Variants in PTPRJ observed in about 807,000 individuals in gnomAD.
PTPRJ encodes receptor-type tyrosine-protein phosphatase eta.
A neutral mutation model predicts 141.3 loss-of-function variants in PTPRJ; 129 were observed. That is an observed-to-expected ratio of 0.91 (90% CI 0.79 to 1.06). The LOEUF (loss-of-function observed/expected upper bound fraction) is 1.06. Ranked by LOEUF, PTPRJ falls within the 50% of genes least tolerant of loss-of-function variation. The pLI, the probability that PTPRJ is intolerant of heterozygous loss-of-function variation, is 0.00. For missense variants in PTPRJ, 1,601 were observed against 1,679.7 expected, an observed-to-expected ratio of 0.95 and a Z score of 0.82; for synonymous variants, 610 against 640.5, an observed-to-expected ratio of 0.95 and a Z score of 0.72.
chr11:48,071,353 T>C (rs1855244195), intron 1 of PTPRJ, among the ~76,000 whole-genome samples: 1 of 151,934 alleles, frequency 6.6e-6, no homozygotes, highest in South Asian at 2.1e-4. Context: ...GTCTCACTCT[T>C]CTGCCCAGGC....
At chr11:48,005,530 T>C (rs1331619347) in intron 1 of PTPRJ, among the ~76,000 whole-genome samples, 1 of 152,264 alleles carries the variant, frequency 6.6e-6, no homozygotes. Flanking sequence ...ATCACTGCTT[T>C]GTTCTTTTTT....
At chr11:48,012,504 G>A (rs1854827588) in intron 1 of PTPRJ, among the ~76,000 whole-genome samples, 1 of 152,146 alleles carries the variant, frequency 6.6e-6, no homozygotes, top group African/African-American at 2.4e-5. Context: ...ATCTAGTCGG[G>A]GAGGAGAGGG....
Position 48,121,097 on chromosome 11 carries a change from C to T in PTPRJ, c.447C>T (p.Tyr149=), listed in dbSNP as rs1430322394. 2 of 1,613,652 alleles carry T rather than the reference C, an allele frequency of 1.2e-6. No homozygotes were observed. Among genetic ancestry groups the T allele is most frequent in the Middle Eastern group, 1.6e-4 (1 of 6,062 alleles). ...WKSNDTAASE[Y]KYVVKHKMEN... Reference sequence around the variant, plus strand: ...GTAATGACACAGCTGCTTCTGAGTACAAGTATGTAGTAAAGCATAAGATGG... The same window carrying T: ...GTAATGACACAGCTGCTTCTGAGTATAAGTATGTAGTAAAGCATAAGATGG... Residue 149 remains tyrosine, a synonymous_variant, in exon 4 of 25, where the codon TAC becomes TAT. Transcript: ENST00000418331.
At chr11:48,022,925 T>A (rs984424234) in intron 1 of PTPRJ, among the ~76,000 whole-genome samples, 2 of 152,002 alleles carry the variant, frequency 1.3e-5, no homozygotes, top group Non-Finnish European at 2.9e-5. Context: ...GGGATAGGCC[T>A]GGTGGGGCCT....
At chr11:48,030,782 G>C (rs74236456) in intron 1 of PTPRJ, among the ~76,000 whole-genome samples, 24,672 of 151,890 alleles carry the variant, frequency 0.16, 2,199 homozygotes, top group African/African-American at 0.23. Flanking sequence ...TAAAGAGGAG[G>C]CCTTTCCTGC....
chr11:48,016,495 G>A lies in PTPRJ; in HGVS notation c.96+35487G>A, dbSNP rs149856901. Among the ~76,000 whole-genome samples, 54 of 152,342 alleles carry A rather than the reference G, an allele frequency of 3.5e-4. 1 individual carries two copies. The East Asian group carries it at 9.6e-3, about 27-fold the overall frequency. On this transcript the variant is annotated intron_variant, in intron 1 of 24. Coordinates refer to ENST00000418331, the MANE Select transcript of PTPRJ (RefSeq NM_002843.4). Reference sequence around the variant, plus strand: ...CCAATGTGAACCCACGGTACCTTCTGCGGGAGAAAAGGTGGCATGGGAAGC... The same window carrying A: ...CCAATGTGAACCCACGGTACCTTCTACGGGAGAAAAGGTGGCATGGGAAGC...
At chr11:48,128,116 T>C in intron 7 of PTPRJ, 73 bp downstream of exon 7, 3 of 1,516,298 alleles carry the variant, frequency 2.0e-6, no homozygotes, top group Non-Finnish European at 2.7e-6. Context: ...ACAGGATGCA[T>C]GATGTAGTAA....
rs367695265 is a variant in PTPRJ, at chr11:48,158,901, G to A, written c.3439-1029G>A. ...TGAGAGGTTGAGGCTGCAGTGAGCC[G>A]TGATCGTGCCATTGTACCCCAGCTT... On this transcript the variant is annotated intron_variant, in intron 21 of 24. Coordinates refer to ENST00000418331, the MANE Select transcript of PTPRJ (RefSeq NM_002843.4). The surrounding 1 kb of genome is among the most constrained non-coding windows in gnomAD (Gnocchi z 4.4). Among the ~76,000 whole-genome samples the A allele has an allele frequency of 6.6e-6, 1 of 152,138 alleles. No homozygotes were observed. The highest frequency in any genetic ancestry group is 2.1e-4 in the South Asian group (1 of 4,830).
chr11:47,999,013 T>G (rs73462878), intron 1 of PTPRJ, among the ~76,000 whole-genome samples: 2,056 of 152,314 alleles, frequency 0.013, 49 homozygotes, highest in African/African-American at 0.047. Context: ...AGTTAATGAT[T>G]GCTAGTAAGA....
chr11:48,008,587 G>A (rs1854686917), intron 1 of PTPRJ, among the ~76,000 whole-genome samples: 1 of 143,066 alleles, frequency 7.0e-6, no homozygotes, highest in African/African-American at 2.6e-5. Flanking sequence ...TTTTTGAGTT[G>A]AAGTTTTGCT....
chr11:47,988,876 C>CTTTTTTTTTTTT (rs1854116991), intron 1 of PTPRJ, among the ~76,000 whole-genome samples: 2 of 107,806 alleles, frequency 1.9e-5, no homozygotes, highest in African/African-American at 8.9e-5. Flanking sequence ...AAAATTGTAT[C>CTTTTTTTTTTTT]TTGTTTTTTT....
At chr11:48,135,480 T>C (rs1857077518) in intron 8 of PTPRJ, among the ~76,000 whole-genome samples, 1 of 134,594 alleles carries the variant, frequency 7.4e-6, no homozygotes, top group South Asian at 2.6e-4. Context: ...CCTGGCCTTT[T>C]TTTTTTTTTT....
intron 1 of PTPRJ, among the ~76,000 whole-genome samples, chr11:48,021,516 G>A (rs1019164986): frequency 1.3e-5 from 2 of 152,136 alleles, no homozygotes; most frequent in Non-Finnish European, 2.9e-5. Context: ...GGGCATCAGG[G>A]TTGGAAAGGA....
At chr11:48,062,783 A>C (rs532259683) in intron 1 of PTPRJ, among the ~76,000 whole-genome samples, 4 of 152,190 alleles carry the variant, frequency 2.6e-5, no homozygotes, top group African/African-American at 9.6e-5. Flanking sequence ...CTCCCTGCCA[A>C]CTTTTCCAAC....
At chr11:48,054,739 A>G (rs1336990962) in intron 1 of PTPRJ, among the ~76,000 whole-genome samples, 1 of 151,662 alleles carries the variant, frequency 6.6e-6, no homozygotes, top group Non-Finnish European at 1.5e-5. Context: ...ATTCTGTCCT[A>G]CCACGGAGTC....
At position 48,105,922 on chromosome 11, in the gene PTPRJ, C is replaced by T. The variant is rs574972642; in HGVS notation, c.97-4136C>T. On this transcript the variant is annotated intron_variant, in intron 1 of 24. Transcript: ENST00000418331. ...CTTGGCCTCTCTCCTTGCCCTTCCT[C>T]GCTGCTGCTACCCCAGGATTCTTGC... Among the ~76,000 whole-genome samples, 32 of 152,246 alleles carry T rather than the reference C, an allele frequency of 2.1e-4. 1 individual carries two copies. In the South Asian group the frequency reaches 6.4e-3, roughly 31 times the overall value.
At chr11:48,019,674 T>C (rs1378624994) in intron 1 of PTPRJ, among the ~76,000 whole-genome samples, 3 of 152,190 alleles carry the variant, frequency 2.0e-5, no homozygotes, top group Non-Finnish European at 2.9e-5. Context: ...ATTATTTATC[T>C]TAATAATTTG....
intron 1 of PTPRJ, among the ~76,000 whole-genome samples, chr11:48,079,237 T>C (rs555163907): frequency 5.3e-5 from 8 of 152,010 alleles, no homozygotes; most frequent in Admixed American, 5.2e-4. Context: ...AAAGCCATGG[T>C]GGGCTGCATG....
At chr11:48,030,277 G>A (rs1175999962) in intron 1 of PTPRJ, among the ~76,000 whole-genome samples, 2 of 152,156 alleles carry the variant, frequency 1.3e-5, no homozygotes, top group Non-Finnish European at 2.9e-5. Context: ...GTCAGTTAAC[G>A]GAGGCTTAAG....
Sources: allele counts gnomAD v4.1 joint callset (sites outside exome capture counted in the v4.1 genomes callset), GRCh38; gene constraint gnomAD v4.1.1; non-coding constraint Gnocchi (gnomAD v3.1); transcripts MANE v1.5; gene names NCBI Gene and HGNC (gene_info 2026-07-23, HGNC 2026-07-21).